NXPE4: variants seen among roughly 807,000 people sequenced by gnomAD.
NXPE4 encodes the protein NXPE family member 4.
Under a neutral mutation model 33.3 loss-of-function variants are expected in NXPE4, and 42 were observed. The ratio of observed to expected loss-of-function variants is 1.26; its 90% CI spans 0.98 to 1.63. The LOEUF (loss-of-function observed/expected upper bound fraction) is 1.63. Ranked by LOEUF, NXPE4 falls within the 40% of genes most tolerant of loss-of-function variation. The pLI is 0.00. For missense variants in NXPE4, 709 were observed against 647.6 expected, an observed-to-expected ratio of 1.09 and a Z score of -1.03; for synonymous variants, 253 against 234.9, an observed-to-expected ratio of 1.08 and a Z score of -0.71.
the NXPE4 span, among the ~76,000 whole-genome samples, chr11:114,634,387 T>C: frequency 7.2e-5 from 11 of 151,996 alleles, no homozygotes; most frequent in African/African-American, 1.9e-4. Context: ...GAGTAGGTTG[T>C]GAAGATTTTC....
upstream of NXPE4, among the ~76,000 whole-genome samples, chr11:114,600,065 C>G (rs1039000569): frequency 1.9e-4 from 29 of 152,142 alleles, no homozygotes; most frequent in African/African-American, 7.0e-4. Flanking sequence ...AGCATTAGAA[C>G]TCTTCAGTAA....
the NXPE4 span, among the ~76,000 whole-genome samples, chr11:114,654,248 C>T: frequency 6.6e-6 from 1 of 152,030 alleles, no homozygotes; most frequent in Non-Finnish European, 1.5e-5. Flanking sequence ...CCCTCAGGAG[C>T]TTTGAATGAA....
the NXPE4 span, among the ~76,000 whole-genome samples, chr11:114,602,378 ATATT>A: frequency 7.8e-6 from 1 of 128,296 alleles, no homozygotes; most frequent in African/African-American, 2.9e-5. Context: ...TATACAATAT[ATATT>A]ATGCTATATA....
the NXPE4 span, among the ~76,000 whole-genome samples, chr11:114,610,008 G>C: frequency 6.6e-6 from 1 of 151,682 alleles, no homozygotes; most frequent in South Asian, 2.1e-4. Context: ...TTACCTGGTA[G>C]ATAATACATG....
At chr11:114,636,653 G>C in the NXPE4 span, among the ~76,000 whole-genome samples, 2 of 151,940 alleles carry the variant, frequency 1.3e-5, no homozygotes, top group Non-Finnish European at 2.9e-5. Flanking sequence ...AGAGATTCTG[G>C]TACGTTGTGT....
chr11:114,601,886 A>G, the NXPE4 span, among the ~76,000 whole-genome samples: 308 of 48,928 alleles, frequency 6.3e-3, 2 homozygotes, highest in Middle Eastern at 0.036. Context: ...ATATATAATT[A>G]TATATTATAT....
At chr11:114,583,381 C>A in intron 2 of NXPE4, 2 of 625,202 alleles carry the variant, frequency 3.2e-6, no homozygotes, top group South Asian at 3.0e-5. Context: ...ATTTGCTGCT[C>A]AACTATGGTT....
At chr11:114,653,918 A>G in the NXPE4 span, among the ~76,000 whole-genome samples, 1 of 152,124 alleles carries the variant, frequency 6.6e-6, no homozygotes, top group African/African-American at 2.4e-5. Flanking sequence ...TAAACTAGAG[A>G]GGAAGTTCCC....
At chr11:114,577,430 CTA>C (rs1283898022) in intron 5 of NXPE4, among the ~76,000 whole-genome samples, 1 of 151,956 alleles carries the variant, frequency 6.6e-6, no homozygotes, top group Non-Finnish European at 1.5e-5. Flanking sequence ...GGATAAAAGA[CTA>C]TACATTGGGC....
the NXPE4 span, among the ~76,000 whole-genome samples, chr11:114,639,874 A>T: frequency 1.7e-5 from 1 of 57,508 alleles, no homozygotes; most frequent in Non-Finnish European, 2.9e-5. Context: ...TTTTATATTA[A>T]ATATAAAATA....
chr11:114,600,850 T>G, the NXPE4 span, among the ~76,000 whole-genome samples: 1 of 152,068 alleles, frequency 6.6e-6, no homozygotes, highest in East Asian at 1.9e-4. Context: ...TATACTATTT[T>G]GAAACTTTTC....
chr11:114,659,354 G>A, the NXPE4 span, among the ~76,000 whole-genome samples: 1 of 152,058 alleles, frequency 6.6e-6, no homozygotes, highest in Non-Finnish European at 1.5e-5. Flanking sequence ...CGTTTTGATG[G>A]CCTTATCAGA....
the NXPE4 span, among the ~76,000 whole-genome samples, chr11:114,602,072 A>G: frequency 9.6e-5 from 9 of 93,982 alleles, no homozygotes; most frequent in Non-Finnish European, 1.5e-4. Context: ...TATAATATAT[A>G]TTCTATATTT....
At chr11:114,672,878 T>C in the NXPE4 span, among the ~76,000 whole-genome samples, 3 of 151,732 alleles carry the variant, frequency 2.0e-5, no homozygotes, top group East Asian at 5.8e-4. Flanking sequence ...TTCAATATCA[T>C]ATTTTCAATA....
the NXPE4 span, among the ~76,000 whole-genome samples, chr11:114,628,636 C>A: frequency 6.7e-6 from 1 of 148,620 alleles, no homozygotes; most frequent in South Asian, 2.2e-4. Flanking sequence ...CAAACACATT[C>A]AAAAGCTAGC....
upstream of NXPE4, among the ~76,000 whole-genome samples, chr11:114,600,531 A>C (rs1038502873): frequency 5.9e-5 from 9 of 152,116 alleles, no homozygotes; most frequent in African/African-American, 1.9e-4. Context: ...AAAATTTTGC[A>C]TAGAAAAAAA....
chr11:114,674,630 A>T, the NXPE4 span, among the ~76,000 whole-genome samples: 1 of 151,842 alleles, frequency 6.6e-6, no homozygotes. Context: ...AACGACACAA[A>T]GTAACTACAA....
At chr11:114,665,960 C>T in the NXPE4 span, among the ~76,000 whole-genome samples, 3 of 152,122 alleles carry the variant, frequency 2.0e-5, no homozygotes, top group Non-Finnish European at 2.9e-5. Context: ...AGTGAGGAGA[C>T]TGAGGTAGGG....
chr11:114,634,329 AT>A, the NXPE4 span, among the ~76,000 whole-genome samples: 1 of 151,918 alleles, frequency 6.6e-6, no homozygotes, highest in African/African-American at 2.4e-5. Flanking sequence ...TTTCTTGTAA[AT>A]TTGTTTGAGT....
Sources: gnomAD v4.1 joint callset for allele counts (sites outside exome capture counted in the v4.1 genomes callset) on GRCh38, gnomAD v4.1.1 for gene constraint, MANE v1.5 for transcripts, NCBI Gene and HGNC (gene_info 2026-07-23, HGNC 2026-07-21) for gene names.